KSR2: variants seen among roughly 807,000 people sequenced by gnomAD.
The protein encoded by KSR2 is kinase suppressor of ras 2.
A neutral mutation model predicts 107.8 loss-of-function variants in KSR2; 25 were observed. The ratio of observed to expected loss-of-function variants is 0.23; its 90% CI spans 0.17 to 0.32. The LOEUF (loss-of-function observed/expected upper bound fraction) is 0.32, where lower values mean the gene tolerates loss of function less well. KSR2 is among the 10% of genes least tolerant of loss of function. KSR2 has a pLI of 1.00. For synonymous variants in KSR2, 480 were observed against 507.0 expected (o/e 0.95, Z 0.71); for missense variants, 887 against 1,268.9 (o/e 0.70, Z 4.57).
At chr12:117,863,236 C>T (rs1185720152) in intron 1 of KSR2, among the ~76,000 whole-genome samples, 1 of 152,140 alleles carries the variant, frequency 6.6e-6, no homozygotes, top group Non-Finnish European at 1.5e-5. Context: ...ACTGAGACCC[C>T]ACCAGGACCT....
At chr12:117,660,589 T>A (rs1324250821) in intron 5 of KSR2, among the ~76,000 whole-genome samples, 1 of 152,166 alleles carries the variant, frequency 6.6e-6, no homozygotes, top group Non-Finnish European at 1.5e-5. Flanking sequence ...GCCAACACCC[T>A]ATTTCCAAAT....
intron 4 of KSR2, among the ~76,000 whole-genome samples, chr12:117,707,555 T>C (rs1281669501): frequency 6.6e-6 from 1 of 152,220 alleles, no homozygotes; most frequent in Non-Finnish European, 1.5e-5. Context: ...AGCCTTGGTT[T>C]CCTATTATAT....
chr12:117,555,806 T>C (rs1160482293), intron 8 of KSR2, among the ~76,000 whole-genome samples: 1 of 152,226 alleles, frequency 6.6e-6, no homozygotes, highest in African/African-American at 2.4e-5. Context: ...AGGCACATAG[T>C]AGATGCTAAA....
At chr12:117,602,825 C>T (rs1484498407) in intron 5 of KSR2, among the ~76,000 whole-genome samples, 1 of 152,194 alleles carries the variant, frequency 6.6e-6, no homozygotes, top group Non-Finnish European at 1.5e-5. Context: ...CCCACTGGGC[C>T]TGAGCTCTTT....
intron 1 of KSR2, among the ~76,000 whole-genome samples, chr12:117,925,305 G>C (rs1391567768): frequency 6.6e-6 from 1 of 151,222 alleles, no homozygotes; most frequent in Non-Finnish European, 1.5e-5. Context: ...TGTATTTTTA[G>C]TGGAGATGGG....
intron 5 of KSR2, among the ~76,000 whole-genome samples, chr12:117,624,288 G>A (rs1349320210): frequency 6.6e-6 from 1 of 152,150 alleles, no homozygotes; most frequent in African/African-American, 2.4e-5. Context: ...TTTTAGTCAC[G>A]AAGTCCTTGC....
chr12:117,471,289 A>C lies in KSR2; in HGVS notation c.2614T>G (p.Trp872Gly). ...TCTGCTGGTTGGGTCTTGAAAGGCC[A>C]TTCCCTGGCGTGGAGTTCATACCAG... is the stretch of plus-strand genomic sequence containing the variant. ...TIWYELHARE[W>G]PFKTQPAEAI... The change falls in exon 18 of 20, where the codon TGG (tryptophan) becomes GGG (glycine). Residue 872 changes from tryptophan to glycine, a missense_variant. Coordinates refer to ENST00000339824, the MANE Select transcript of KSR2 (RefSeq NM_173598.6). 1 of 1,613,840 alleles carries C rather than the reference A, an allele frequency of 6.2e-7. No individual in the cohort carries two copies. The highest frequency in any genetic ancestry group is 8.5e-7 in the Non-Finnish European group (1 of 1,179,806).
At chr12:117,853,390 T>G (rs1387186339) in intron 3 of KSR2, among the ~76,000 whole-genome samples, 1 of 152,192 alleles carries the variant, frequency 6.6e-6, no homozygotes, top group Non-Finnish European at 1.5e-5. Flanking sequence ...TGGGCCAGGC[T>G]GGAGTTCAGT....
intron 14 of KSR2, among the ~76,000 whole-genome samples, chr12:117,495,065 G>A (rs1185792293): frequency 1.3e-5 from 2 of 152,202 alleles, no homozygotes. Context: ...AGTCCCTGGC[G>A]CTGCCTGGCT....
At chr12:117,764,885 AG>A (rs1407785034) in intron 3 of KSR2, among the ~76,000 whole-genome samples, 1 of 152,236 alleles carries the variant, frequency 6.6e-6, no homozygotes, top group African/African-American at 2.4e-5. Flanking sequence ...AATAAAACTC[AG>A]GGACTACTAT....
intron 3 of KSR2, among the ~76,000 whole-genome samples, chr12:117,829,648 AT>A (rs1375836450): frequency 6.6e-6 from 1 of 152,198 alleles, no homozygotes; most frequent in African/African-American, 2.4e-5. Flanking sequence ...GTCTACAAAC[AT>A]TTTCTATAAA....
At chr12:117,593,969 A>G (rs1880482394) in intron 5 of KSR2, among the ~76,000 whole-genome samples, 1 of 152,212 alleles carries the variant, frequency 6.6e-6, no homozygotes, top group Non-Finnish European at 1.5e-5. Flanking sequence ...GAGCGTGTCC[A>G]CAGCACTTGC....
intron 4 of KSR2, among the ~76,000 whole-genome samples, chr12:117,676,528 G>C (rs1885127910): frequency 1.3e-5 from 2 of 152,064 alleles, no homozygotes; most frequent in Admixed American, 1.3e-4. Flanking sequence ...AGACAAAGGA[G>C]AAAAAGGAAG....
intron 3 of KSR2, among the ~76,000 whole-genome samples, chr12:117,761,896 A>G (rs952100345): frequency 9.2e-5 from 14 of 152,248 alleles, no homozygotes; most frequent in African/African-American, 3.4e-4. Flanking sequence ...TATGTGCATT[A>G]CATCATATGC....
chr12:117,579,313 G>C (rs1879495640), intron 6 of KSR2, 111 bp from the exon 7 acceptor site: 1 of 771,450 alleles, frequency 1.3e-6, no homozygotes. Context: ...TTCCAGTCCT[G>C]TTTCTTTCGA....
chr12:117,949,305 A>AG (rs1242169394), intron 1 of KSR2, among the ~76,000 whole-genome samples: 2 of 114,712 alleles, frequency 1.7e-5, no homozygotes, highest in Admixed American at 9.0e-5. Flanking sequence ...TACTGTTAAG[A>AG]GGAAAAAAAA....
At chr12:117,616,160 C>CAAA (rs386766773) in intron 5 of KSR2, among the ~76,000 whole-genome samples, 3,129 of 51,082 alleles carry the variant, frequency 0.061, 65 homozygotes, top group Non-Finnish European at 0.087. Flanking sequence ...GACCCTGTCT[C>CAAA]GAAAAAAAAA....
intron 3 of KSR2, among the ~76,000 whole-genome samples, chr12:117,851,428 C>T (rs1036356982): frequency 2.0e-5 from 3 of 152,004 alleles, no homozygotes; most frequent in Non-Finnish European, 2.9e-5. Context: ...CTAGTCTCCA[C>T]GAAAATTAGA....
intron 1 of KSR2, among the ~76,000 whole-genome samples, chr12:117,866,673 TACAAA>T (rs1253035186): frequency 6.6e-6 from 1 of 151,588 alleles, no homozygotes; most frequent in Non-Finnish European, 1.5e-5. Flanking sequence ...CTACTAAAAA[TACAAA>T]ACTAGCCGGG....
Sources: allele counts gnomAD v4.1 joint callset (sites outside exome capture counted in the v4.1 genomes callset), GRCh38; gene constraint gnomAD v4.1.1; transcripts MANE v1.5; gene names NCBI Gene and HGNC (gene_info 2026-07-23, HGNC 2026-07-21).